The following CDH12 variants were observed in gnomAD, a reference collection of about 807,000 sequenced individuals.
CDH12 encodes the protein cadherin 12, also known as cadherin-12.
A neutral mutation model predicts 74.1 loss-of-function variants in CDH12; 41 were observed. The observed-to-expected ratio is 0.55, with a 90% CI of 0.43 to 0.72. The LOEUF (loss-of-function observed/expected upper bound fraction) is 0.72, where lower values mean the gene tolerates loss of function less well. Among genes scored for constraint, CDH12 ranks in the 30% least tolerant of loss-of-function variants. The probability of loss-of-function intolerance (pLI) is 0.00; values close to 1 mark genes in which losing one functional copy is unlikely to be tolerated. For synonymous variants in CDH12, 399 were observed against 355.0 expected, an observed-to-expected ratio of 1.12 and a Z score of -1.39; for missense variants, 945 against 977.2, an observed-to-expected ratio of 0.97 and a Z score of 0.44.
At chr5:22,532,177 G>T (rs948170982) in intron 1 of CDH12, among the ~76,000 whole-genome samples, 1 of 150,692 alleles carries the variant, frequency 6.6e-6, no homozygotes, top group African/African-American at 2.4e-5. Flanking sequence ...TTGGATGCTC[G>T]CCCTGGCACA....
chr5:22,212,102 C>T (rs1751578130), intron 4 of CDH12: 1 of 151,790 alleles, frequency 6.6e-6, no homozygotes, highest in Non-Finnish European at 1.5e-5. Context: ...TCTCAACTCG[C>T]ATTTGCAAAT....
chr5:22,031,442 T>G (rs1738818859), intron 5 of CDH12, among the ~76,000 whole-genome samples: 1 of 152,176 alleles, frequency 6.6e-6, no homozygotes, highest in Non-Finnish European at 1.5e-5. Context: ...CTGTTTCACT[T>G]TATTATCATT....
chr5:22,815,970 T>G (rs1167806981), intron 1 of CDH12, among the ~76,000 whole-genome samples: 1 of 151,952 alleles, frequency 6.6e-6, no homozygotes, highest in East Asian at 1.9e-4. Context: ...TGAAATGTGT[T>G]AAAAGACTTG....
chr5:22,787,768 T>A (rs1747709698), intron 1 of CDH12, among the ~76,000 whole-genome samples: 1 of 152,176 alleles, frequency 6.6e-6, no homozygotes, highest in South Asian at 2.1e-4. Flanking sequence ...TACATGCACA[T>A]ACGGCTGTTA....
At chr5:22,823,407 T>G (rs1360583509) in intron 1 of CDH12, among the ~76,000 whole-genome samples, 2 of 151,820 alleles carry the variant, frequency 1.3e-5, no homozygotes, top group African/African-American at 4.8e-5. Flanking sequence ...AAAATGGGAG[T>G]TGCCATGCAC....
At chr5:22,073,694 G>A (rs920747370) in intron 5 of CDH12, among the ~76,000 whole-genome samples, 3 of 152,120 alleles carry the variant, frequency 2.0e-5, no homozygotes, top group Non-Finnish European at 4.4e-5. Flanking sequence ...ACAAAGTAAA[G>A]TAACATTTTT....
chr5:22,319,980 C>G (rs74328956), intron 3 of CDH12, among the ~76,000 whole-genome samples: 3,363 of 152,190 alleles, frequency 0.022, 59 homozygotes, highest in Non-Finnish European at 0.036. Context: ...CTGACACTTG[C>G]ATCTATTGAG....
intron 9 of CDH12, 137 bp from the exon 10 acceptor site, chr5:21,802,557 T>C (rs1747179643): frequency 3.0e-6 from 2 of 660,788 alleles, no homozygotes; most frequent in Non-Finnish European, 5.2e-6. Context: ...TAATAACTAG[T>C]GGGTAAGGGC....
Position 22,365,591 on chromosome 5 carries a change from C to T in CDH12, c.-333+39666G>A, listed in dbSNP as rs113937289. Among the ~76,000 whole-genome samples the T allele has an allele frequency of 3.1e-3, 466 of 152,262 alleles. 6 individuals carry two copies. The highest frequency in any genetic ancestry group is 0.011 in the African/African-American group (449 of 41,554). On this transcript the variant is annotated intron_variant, in intron 3 of 14. Transcript: ENST00000382254. ...AAAATGGAATGAAATTCTATGGATG[C>T]TTGGAGAAAGTTAACTAGCTAGATT...
chr5:22,396,557 A>T (rs947275422), intron 3 of CDH12, among the ~76,000 whole-genome samples: 1 of 152,132 alleles, frequency 6.6e-6, no homozygotes, highest in Admixed American at 6.6e-5. Flanking sequence ...AGGTCTGGAA[A>T]GTCCTCGGGC....
chr5:22,556,816 G>A (rs1561488648), intron 1 of CDH12, among the ~76,000 whole-genome samples: 1 of 151,994 alleles, frequency 6.6e-6, no homozygotes, highest in African/African-American at 2.4e-5. Context: ...CCTTCGAGAT[G>A]TAAATCTTCT....
At chr5:21,836,554 G>A (rs1004046955) in intron 8 of CDH12, among the ~76,000 whole-genome samples, 4 of 150,744 alleles carry the variant, frequency 2.7e-5, no homozygotes, top group Non-Finnish European at 5.9e-5. Context: ...TGTATACAGA[G>A]TACTTTATTT....
intron 1 of CDH12, among the ~76,000 whole-genome samples, chr5:22,839,352 CT>C (rs1293903338): frequency 0.058 from 6,914 of 120,190 alleles, 133 homozygotes; most frequent in South Asian, 0.17. Context: ...AATTACTTGT[CT>C]TTTTTTTTTT....
chr5:22,707,028 C>A (rs953943720), intron 1 of CDH12, among the ~76,000 whole-genome samples: 5 of 152,108 alleles, frequency 3.3e-5, no homozygotes, highest in African/African-American at 1.2e-4. Flanking sequence ...TCACATTTTT[C>A]TTCAGCAGGG....
intron 3 of CDH12, among the ~76,000 whole-genome samples, chr5:22,213,189 A>G: frequency 2.0e-5 from 3 of 152,106 alleles, no homozygotes. Flanking sequence ...TCGAACTAAA[A>G]TGAATTTAAA....
chr5:22,720,083 T>C (rs1196998579), intron 1 of CDH12, among the ~76,000 whole-genome samples: 3 of 151,908 alleles, frequency 2.0e-5, no homozygotes, highest in African/African-American at 7.3e-5. Flanking sequence ...ATAGAAAATA[T>C]CTTTGTGACA....
At chr5:22,269,015 C>A (rs985261966) in intron 3 of CDH12, among the ~76,000 whole-genome samples, 3 of 152,010 alleles carry the variant, frequency 2.0e-5, no homozygotes, top group Non-Finnish European at 2.9e-5. Flanking sequence ...CCATTAGATG[C>A]TTTATGAACC....
intron 1 of CDH12, among the ~76,000 whole-genome samples, chr5:22,706,498 T>G (rs571762117): frequency 5.9e-5 from 9 of 152,126 alleles, no homozygotes; most frequent in African/African-American, 2.2e-4. Flanking sequence ...TTTTTATAAT[T>G]TATTTGTTTT....
chr5:22,574,350 T>C (rs1429063114), intron 1 of CDH12, among the ~76,000 whole-genome samples: 1 of 152,090 alleles, frequency 6.6e-6, no homozygotes, highest in Non-Finnish European at 1.5e-5. Context: ...CTAAAATTCA[T>C]CACCGTCTTC....
Sources: allele counts gnomAD v4.1 joint callset (sites outside exome capture counted in the v4.1 genomes callset), GRCh38; gene constraint gnomAD v4.1.1; transcripts MANE v1.5; gene names NCBI Gene and HGNC (gene_info 2026-07-23, HGNC 2026-07-21).